The following CCSER1 variants were observed in gnomAD, a reference collection of about 807,000 sequenced individuals.
The protein encoded by CCSER1 is coiled-coil serine rich protein 1.
A neutral mutation model predicts 82.0 loss-of-function variants in CCSER1; 41 were observed. That is an observed-to-expected ratio of 0.50 (90% CI 0.39 to 0.65). CCSER1 has a LOEUF of 0.65. CCSER1 is among the 30% of genes least tolerant of loss of function. The probability of loss-of-function intolerance (pLI) is 0.00; values close to 1 mark genes in which losing one functional copy is unlikely to be tolerated. For synonymous variants in CCSER1, 414 were observed against 383.9 expected (o/e 1.08, Z -0.92); for missense variants, 1,119 against 1,064.2 (o/e 1.05, Z -0.72).
At position 90,933,036 on chromosome 4, in the gene CCSER1, G is replaced by GAGAAAGAAAGAAAGAAAGAAAGAAAC. The variant is rs1730362873; in HGVS notation, c.2172+9590_2172+9591insGAAAGAAAGAAAGAAAGAAAGAAACA. Among the ~76,000 whole-genome samples, 6 of 96,252 alleles carry GAGAAAGAAAGAAAGAAAGAAAGAAAC rather than the reference G, an allele frequency of 6.2e-5. 1 individual carries two copies. The highest frequency in any genetic ancestry group is 3.2e-4 in the African/African-American group (6 of 19,006). 63.1% of individuals were successfully genotyped at this position (96,252 alleles called of 152,430 possible). A position where few individuals can be genotyped will look rare whatever the true frequency, so the allele number is the denominator to read the frequency against. ...AGAAAGAAAGAAAGAAAGAAAGAAA[G>GAGAAAGAAAGAAAGAAAGAAAGAAAC]AAAGAAAGAGAAGGAAGGAACGAAG... On this transcript the variant is annotated intron_variant, in intron 9 of 10. Transcript: ENST00000509176.
intron 9 of CCSER1, among the ~76,000 whole-genome samples, chr4:90,951,487 C>T (rs146015132): frequency 0.017 from 2,623 of 151,970 alleles, 34 homozygotes; most frequent in Non-Finnish European, 0.023. Flanking sequence ...TCTCATGAGG[C>T]GGAAAGAATA....
At chr4:91,036,854 G>A (rs1741473398) in intron 9 of CCSER1, among the ~76,000 whole-genome samples, 1 of 152,034 alleles carries the variant, frequency 6.6e-6, no homozygotes, top group African/African-American at 2.4e-5. Context: ...CCAGGCAGGT[G>A]GGTCAGTTGA....
chr4:91,528,249 A>T (rs1370273280), intron 10 of CCSER1, among the ~76,000 whole-genome samples: 1 of 152,160 alleles, frequency 6.6e-6, no homozygotes, highest in Non-Finnish European at 1.5e-5. Flanking sequence ...CTATATTTTC[A>T]TATAATGTAT....
intron 9 of CCSER1, among the ~76,000 whole-genome samples, chr4:90,934,351 A>G (rs890023980): frequency 1.3e-5 from 2 of 152,220 alleles, no homozygotes; most frequent in Non-Finnish European, 2.9e-5. Flanking sequence ...GAAAATAAAC[A>G]TAACTATGAA....
At chr4:90,197,034 C>T (rs1406272653) in intron 1 of CCSER1, among the ~76,000 whole-genome samples, 2 of 152,062 alleles carry the variant, frequency 1.3e-5, no homozygotes, top group Admixed American at 6.6e-5. Context: ...CACTTGCCAG[C>T]CCCAGGTTGA....
chr4:90,180,179 C>T (rs965504343), intron 1 of CCSER1, among the ~76,000 whole-genome samples: 6 of 150,054 alleles, frequency 4.0e-5, no homozygotes, highest in South Asian at 2.1e-4. Context: ...AGTGGAGAAA[C>T]GATAACTAAA....
Position 91,299,966 on chromosome 4 carries a change from A to C in CCSER1, c.2217+213972A>C, listed in dbSNP as rs941643005. 2.4e-4 allele frequency among the ~76,000 whole-genome samples: 37 copies of C among 151,964 alleles called. 1 individual carries two copies. The highest frequency in any genetic ancestry group is 2.4e-5 in the African/African-American group (1 of 41,434). ...GAGAAGTAAAAGAGAAACACACACA[A>C]AAAAACAAAACATTGCCAAGTTAGC... On this transcript the variant is annotated intron_variant, in intron 10 of 10. Transcript: ENST00000509176.
At chr4:91,207,499 C>T (rs28468539) in intron 10 of CCSER1, among the ~76,000 whole-genome samples, 5,678 of 151,816 alleles carry the variant, frequency 0.037, 178 homozygotes, top group African/African-American at 0.08. Flanking sequence ...TCTCTTCCTG[C>T]GTTACTTTGC....
At chr4:91,474,916 C>T (rs1757502538) in intron 10 of CCSER1, among the ~76,000 whole-genome samples, 1 of 150,636 alleles carries the variant, frequency 6.6e-6, no homozygotes, top group South Asian at 2.1e-4. Flanking sequence ...TCAGTTTTAT[C>T]CTTGTGTATT....
chr4:90,222,726 C>T (rs1276347120), intron 1 of CCSER1, among the ~76,000 whole-genome samples: 2 of 152,032 alleles, frequency 1.3e-5, no homozygotes, highest in East Asian at 1.9e-4. Flanking sequence ...GAATACCTTC[C>T]ATAATTATTT....
intron 10 of CCSER1, among the ~76,000 whole-genome samples, chr4:91,365,987 A>C (rs1749586818): frequency 6.6e-6 from 1 of 152,184 alleles, no homozygotes; most frequent in African/African-American, 2.4e-5. Flanking sequence ...AACAATTCAT[A>C]GCCAATAATA....
intron 1 of CCSER1, among the ~76,000 whole-genome samples, chr4:90,273,937 A>G (rs1434082024): frequency 1.3e-5 from 2 of 152,204 alleles, no homozygotes; most frequent in Non-Finnish European, 2.9e-5. Flanking sequence ...GATATTTGCA[A>G]TTATTCAAGA....
intron 10 of CCSER1, among the ~76,000 whole-genome samples, chr4:91,301,805 C>T (rs964722642): frequency 1.3e-5 from 2 of 151,782 alleles, no homozygotes; most frequent in East Asian, 3.9e-4. Context: ...TAAATTAAGC[C>T]ACCAACAATG....
chr4:91,541,782 A>G (rs1292970322), intron 10 of CCSER1, among the ~76,000 whole-genome samples: 1 of 152,134 alleles, frequency 6.6e-6, no homozygotes, highest in African/African-American at 2.4e-5. Context: ...TTCTAGTTCT[A>G]GATCCCTGAG....
intron 10 of CCSER1, among the ~76,000 whole-genome samples, chr4:91,266,313 C>T (rs774683273): frequency 6.6e-6 from 1 of 151,798 alleles, no homozygotes; most frequent in Admixed American, 6.6e-5. Context: ...TGTGCAGTGG[C>T]ATGATCTCGG....
At chr4:91,332,234 A>G (rs1320098724) in intron 10 of CCSER1, among the ~76,000 whole-genome samples, 1 of 151,766 alleles carries the variant, frequency 6.6e-6, no homozygotes, top group Non-Finnish European at 1.5e-5. Flanking sequence ...AATTCTTAAA[A>G]CAAAATCATG....
At chr4:90,390,314 G>A (rs11722369) in intron 3 of CCSER1, among the ~76,000 whole-genome samples, 9,581 of 151,988 alleles carry the variant, frequency 0.063, 371 homozygotes, top group East Asian at 0.18. Context: ...TTGAATATTC[G>A]GGGGTACATG....
intron 10 of CCSER1, among the ~76,000 whole-genome samples, chr4:91,408,010 C>T (rs1752803899): frequency 6.6e-6 from 1 of 151,988 alleles, no homozygotes; most frequent in Non-Finnish European, 1.5e-5. Context: ...CCGGCTTGCT[C>T]AGCCTAGGAG....
chr4:90,613,553 G>A lies in CCSER1; in HGVS notation c.1725-14472G>A, dbSNP rs1375329344. 2.0e-5 allele frequency among the ~76,000 whole-genome samples: 3 copies of A among 152,238 alleles called. No individual in the cohort carries two copies. The East Asian group carries it at 5.8e-4, about 29-fold the overall frequency. On this transcript the variant is annotated intron_variant, in intron 5 of 10. Transcript: ENST00000509176. ...TGCTACTAAAGATTCACACTTCTGG[G>A]AACCATAATCTAGGGATTTAGAATG... is the stretch of plus-strand genomic sequence containing the variant.
Sources: allele counts gnomAD v4.1 joint callset (sites outside exome capture counted in the v4.1 genomes callset), GRCh38; gene constraint gnomAD v4.1.1; transcripts MANE v1.5; gene names NCBI Gene and HGNC (gene_info 2026-07-23, HGNC 2026-07-21).